Variants in FRMD6 observed in about 807,000 individuals in gnomAD.
The protein encoded by FRMD6 is FERM domain containing 6.
FRMD6 carries 37 observed loss-of-function variants against 73.2 expected under a neutral mutation model. The ratio of observed to expected loss-of-function variants is 0.51; its 90% CI spans 0.39 to 0.66. FRMD6 has a LOEUF of 0.66. FRMD6 is among the 30% of genes least tolerant of loss of function. FRMD6 has a pLI of 0.00. For synonymous variants in FRMD6, 273 were observed against 282.2 expected, an observed-to-expected ratio of 0.97 and a Z score of 0.33; for missense variants, 714 against 780.5, an observed-to-expected ratio of 0.91 and a Z score of 1.02.
intron 1 of FRMD6, among the ~76,000 whole-genome samples, chr14:51,514,413 A>G (rs1479287124): frequency 6.6e-6 from 1 of 152,224 alleles, no homozygotes; most frequent in African/African-American, 2.4e-5. Flanking sequence ...CTTAAAACCT[A>G]GATGATAGGT....
At chr14:51,557,159 G>A (rs1384509484) in intron 1 of FRMD6, among the ~76,000 whole-genome samples, 1 of 151,814 alleles carries the variant, frequency 6.6e-6, no homozygotes, top group African/African-American at 2.4e-5. Flanking sequence ...AAGAAGGAAG[G>A]AAGGAAATGA....
At chr14:51,693,502 GTTGTT>G (rs1482652272) in intron 2 of FRMD6, among the ~76,000 whole-genome samples, 1 of 152,104 alleles carries the variant, frequency 6.6e-6, no homozygotes, top group Non-Finnish European at 1.5e-5. Flanking sequence ...AAATTTTCTA[GTTGTT>G]TTGTTTTGTT....
intron 1 of FRMD6, among the ~76,000 whole-genome samples, chr14:51,543,606 C>T (rs1168038526): frequency 2.6e-5 from 4 of 151,976 alleles, no homozygotes; most frequent in Non-Finnish European, 5.9e-5. Flanking sequence ...GACCTGATCT[C>T]TGTACTCATG....
upstream of FRMD6, among the ~76,000 whole-genome samples, chr14:51,487,488 G>A (rs1239730281): frequency 6.6e-6 from 1 of 152,138 alleles, no homozygotes; most frequent in Admixed American, 6.5e-5. Flanking sequence ...ACTGGATTAA[G>A]GCCTGAGGTC....
At chr14:51,528,477 C>A (rs992181601) in intron 1 of FRMD6, among the ~76,000 whole-genome samples, 1 of 152,096 alleles carries the variant, frequency 6.6e-6, no homozygotes, top group East Asian at 1.9e-4. Flanking sequence ...TCTAATCTTC[C>A]GTATGTATAA....
At chr14:51,489,378 A>G (rs954616066) in exon 1 of FRMD6, 4 of 152,650 alleles carry the variant, frequency 2.6e-5, no homozygotes, top group African/African-American at 9.6e-5. Context: ...AGTCTGCCCC[A>G]TTCTGAGAGC....
the FRMD6 span, among the ~76,000 whole-genome samples, chr14:51,431,711 A>G: frequency 6.6e-6 from 1 of 152,108 alleles, no homozygotes; most frequent in Non-Finnish European, 1.5e-5. Context: ...TTTTCCCTTT[A>G]TTTATTTTTT....
chr14:51,605,097 A>T (rs529742126), intron 2 of FRMD6, among the ~76,000 whole-genome samples: 5 of 149,430 alleles, frequency 3.3e-5, no homozygotes, highest in South Asian at 4.2e-4. Context: ...AATTTGTTAC[A>T]TAGTCATTAC....
chr14:51,452,257 G>A, the FRMD6 span, among the ~76,000 whole-genome samples: 6 of 152,198 alleles, frequency 3.9e-5, no homozygotes, highest in East Asian at 1.9e-4. Flanking sequence ...GAAGGGGGCC[G>A]AGTCAAAGGT....
chr14:51,574,631 A>C (rs965162925), intron 2 of FRMD6, among the ~76,000 whole-genome samples: 1 of 151,356 alleles, frequency 6.6e-6, no homozygotes, highest in African/African-American at 2.4e-5. Flanking sequence ...AATTGAACTC[A>C]TGGGTATAGA....
chr14:51,425,204 C>T, the FRMD6 span, among the ~76,000 whole-genome samples: 224 of 152,284 alleles, frequency 1.5e-3, 1 homozygote, highest in African/African-American at 5.2e-3. Context: ...TGCTGCCACC[C>T]AATCTCATTC....
rs1829352039 is a variant in FRMD6, at chr14:51,507,083, GA to G, written c.-210+17664del. Reference sequence around the variant, plus strand: ...TGAAATGATTAGAATTGGTTGTATAGACACACACACACACACACACACACAC... The same window carrying G: ...TGAAATGATTAGAATTGGTTGTATAGCACACACACACACACACACACACAC... On this transcript the variant is annotated intron_variant, in intron 1 of 14. Transcript: ENST00000356218. Among the ~76,000 whole-genome samples, 10 of 139,090 alleles carry G rather than the reference GA, an allele frequency of 7.2e-5. No individual in the cohort carries two copies. In the South Asian group the frequency reaches 2.5e-3, roughly 35 times the overall value. 91.2% of individuals were successfully genotyped at this position (139,090 alleles called of 152,430 possible). A position where few individuals can be genotyped will look rare whatever the true frequency, so the allele number is the denominator to read the frequency against.
At chr14:51,417,490 T>C in the FRMD6 span, among the ~76,000 whole-genome samples, 1 of 152,230 alleles carries the variant, frequency 6.6e-6, no homozygotes, top group Non-Finnish European at 1.5e-5. Context: ...CCCACTCTCT[T>C]CTGGCTTGTA....
chr14:51,619,562 C>T (rs1890846166), intron 2 of FRMD6, among the ~76,000 whole-genome samples: 1 of 152,176 alleles, frequency 6.6e-6, no homozygotes, highest in African/African-American at 2.4e-5. Flanking sequence ...CTCACAGAAG[C>T]TTCCCTGATG....
chr14:51,709,501 G>A (rs1386752478), intron 7 of FRMD6, among the ~76,000 whole-genome samples: 2 of 152,158 alleles, frequency 1.3e-5, no homozygotes, highest in South Asian at 2.1e-4. Context: ...TAGTTTGGAT[G>A]TATTGCTCAG....
the FRMD6 span, among the ~76,000 whole-genome samples, chr14:51,405,858 C>G: frequency 1.3e-5 from 2 of 151,900 alleles, no homozygotes; most frequent in Non-Finnish European, 2.9e-5. Flanking sequence ...CTTGTCAATT[C>G]TTGCTTTTGT....
chr14:51,574,538 C>T (rs1888305329), intron 2 of FRMD6, among the ~76,000 whole-genome samples: 2 of 152,126 alleles, frequency 1.3e-5, no homozygotes, highest in Admixed American at 6.6e-5. Flanking sequence ...AACCTGAGGA[C>T]ATTATGTTAC....
At chr14:51,523,682 G>A (rs890550564) in intron 1 of FRMD6, among the ~76,000 whole-genome samples, 1 of 152,072 alleles carries the variant, frequency 6.6e-6, no homozygotes, top group South Asian at 2.1e-4. Context: ...TGTTTGCTCT[G>A]GAACTCCCCT....
chr14:51,656,504 C>T (rs1892837653), intron 1 of FRMD6, among the ~76,000 whole-genome samples: 1 of 151,914 alleles, frequency 6.6e-6, no homozygotes, highest in Non-Finnish European at 1.5e-5. Flanking sequence ...GCCTCCACCT[C>T]CCGGGTCCAA....
Sources: gnomAD v4.1 joint callset for allele counts (sites outside exome capture counted in the v4.1 genomes callset) on GRCh38, gnomAD v4.1.1 for gene constraint, MANE v1.5 for transcripts, NCBI Gene and HGNC (gene_info 2026-07-23, HGNC 2026-07-21) for gene names.